Variants in DCX observed in about 807,000 individuals in gnomAD.
The protein encoded by DCX is doublecortin.
A neutral mutation model predicts 20.9 loss-of-function variants in DCX; 4 were observed. That is an observed-to-expected ratio of 0.19 (90% confidence interval 0.09 to 0.44). The LOEUF (loss-of-function observed/expected upper bound fraction) is 0.44. DCX is among the 20% of genes least tolerant of loss of function. The pLI is 0.99. For synonymous variants in DCX, 103 were observed against 111.4 expected, an observed-to-expected ratio of 0.92 and a Z score of 0.47; for missense variants, 133 against 296.9, an observed-to-expected ratio of 0.45 and a Z score of 4.06.
intron 3 of DCX, 28 bp downstream of exon 3, chrX:111,400,962 G>T (rs778775737): frequency 3.4e-6 from 4 of 1,177,165 alleles, no homozygotes; most frequent in Non-Finnish European, 4.6e-6. Context: ...TAGAAAAAAC[G>T]GGAAAAGTAC....
intron 3 of DCX, among the ~76,000 whole-genome samples, chrX:111,359,025 C>A (rs1202446162): frequency 2.7e-5 from 3 of 111,184 alleles, no homozygotes; most frequent in Non-Finnish European, 1.9e-5. Context: ...CAGTCTAAAT[C>A]AAAATCTCTA....
chrX:111,324,382 T>G (rs2095094557), intron 5 of DCX, among the ~76,000 whole-genome samples: 1 of 111,929 alleles, frequency 8.9e-6, no homozygotes, highest in African/African-American at 3.2e-5. Flanking sequence ...CTCCAATAGT[T>G]CCCATAATAC....
intron 6 of DCX, among the ~76,000 whole-genome samples, chrX:111,305,425 C>A (rs1312201515): frequency 9.0e-6 from 1 of 111,031 alleles, no homozygotes; most frequent in African/African-American, 3.3e-5. Context: ...TTTTTGCTGA[C>A]AAGAGCAGCT....
rs1315785413 is a variant in DCX, at chrX:111,407,800, A to ACG, written c.364+2233_364+2234dup. Among the ~76,000 whole-genome samples the ACG allele has an allele frequency of 2.9e-4, 16 of 55,071 alleles. No individual in the cohort carries two copies. In the South Asian group the frequency reaches 8.7e-3, roughly 30 times the overall value. The allele number at this position is 55,071 out of a possible 115,157, so 47.8% of individuals were successfully genotyped here. On this transcript the variant is annotated intron_variant, in intron 2 of 6. Coordinates refer to ENST00000636035, the MANE Select transcript of DCX (RefSeq NM_001195553.2). Reference sequence around the variant, plus strand: ...CACCAGCCCCTCGTGATACATCAATACGCACACACACACACACACACACAC... The same window carrying ACG: ...CACCAGCCCCTCGTGATACATCAATACGCGCACACACACACACACACACACAC...
In DCX at chrX:111,299,563, C is replaced by T. The variant is rs941919142; in HGVS notation, c.*2124G>A. 1.8e-5 allele frequency: 2 copies of T among 111,040 alleles called. No homozygotes were observed. The highest frequency in any genetic ancestry group is 3.3e-5 in the African/African-American group (1 of 30,417). The allele number at this position is 111,040 out of a possible 1,213,427, so 9.2% of individuals were successfully genotyped here. ...TTCTGGCCTGAAGTTTAAAATCAGG[C>T]CTCCCACCATTCTTTATGCCCACAC... On this transcript the variant is annotated 3_prime_UTR_variant, in exon 7 of 7. Coordinates refer to ENST00000636035, the MANE Select transcript of DCX (RefSeq NM_001195553.2).
chrX:111,370,699 A>G (rs1925006119), intron 3 of DCX, among the ~76,000 whole-genome samples: 1 of 110,654 alleles, frequency 9.0e-6, no homozygotes, highest in Non-Finnish European at 1.9e-5. Flanking sequence ...ATTATTCATA[A>G]AGAAGTCCAC....
chrX:111,365,237 C>A (rs1462003822), intron 3 of DCX, among the ~76,000 whole-genome samples: 1 of 109,217 alleles, frequency 9.2e-6, no homozygotes, highest in African/African-American at 3.3e-5. Context: ...ATTTGTGATA[C>A]TGTAATATTT....
intron 3 of DCX, among the ~76,000 whole-genome samples, chrX:111,342,821 T>C (rs1416270882): frequency 9.0e-6 from 1 of 110,705 alleles, no homozygotes; most frequent in Non-Finnish European, 1.9e-5. Flanking sequence ...TGACTCCTGG[T>C]TAAATAATGA....
chrX:111,395,116 C>T (rs982663192), intron 3 of DCX, among the ~76,000 whole-genome samples: 1 of 111,514 alleles, frequency 9.0e-6, no homozygotes, highest in African/African-American at 3.3e-5. Context: ...AAACATGTCT[C>T]GACAGAACCA....
At chrX:111,379,059 C>T (rs765179007) in intron 3 of DCX, among the ~76,000 whole-genome samples, 5 of 111,944 alleles carry the variant, frequency 4.5e-5, no homozygotes, top group African/African-American at 1.3e-4. Context: ...ACAAAATAAA[C>T]GTCTGCTTTT....
chrX:111,308,682 A>T (rs2095050835), intron 6 of DCX, among the ~76,000 whole-genome samples: 1 of 111,666 alleles, frequency 9.0e-6, no homozygotes, highest in Non-Finnish European at 1.9e-5. Context: ...AAGTCTGGAA[A>T]CAGAGGAAAG....
intron 3 of DCX, among the ~76,000 whole-genome samples, chrX:111,351,151 C>T (rs192810293): frequency 1.4e-4 from 16 of 111,927 alleles, no homozygotes; most frequent in African/African-American, 4.5e-4. Context: ...CATGAGGGAA[C>T]AAGCTGAGTT....
intron 5 of DCX, among the ~76,000 whole-genome samples, chrX:111,316,037 A>G (rs1361306766): frequency 1.4e-5 from 1 of 69,372 alleles, no homozygotes; most frequent in Non-Finnish European, 2.6e-5. Flanking sequence ...TATGTAACTA[A>G]CCTGCACAAT....
chrX:111,375,903 G>A (rs182213209), intron 3 of DCX, among the ~76,000 whole-genome samples: 4 of 112,092 alleles, frequency 3.6e-5, no homozygotes, highest in East Asian at 2.8e-4. Context: ...CATTTCCTAC[G>A]AAGATTTCCA....
chrX:111,369,684 G>A (rs1006728435), intron 3 of DCX, among the ~76,000 whole-genome samples: 2 of 111,756 alleles, frequency 1.8e-5, no homozygotes, highest in African/African-American at 6.5e-5. Flanking sequence ...AAGAGTCAAA[G>A]GTAGTGGGCA....
chrX:111,339,225 C>T (rs1428412845), intron 3 of DCX, among the ~76,000 whole-genome samples: 1 of 111,701 alleles, frequency 9.0e-6, no homozygotes, highest in Admixed American at 9.6e-5. Flanking sequence ...GCTTTACACA[C>T]TGCTATGGTT....
At chrX:111,388,397 A>G (rs954104792) in intron 3 of DCX, among the ~76,000 whole-genome samples, 4 of 111,749 alleles carry the variant, frequency 3.6e-5, no homozygotes, top group Non-Finnish European at 7.5e-5. Flanking sequence ...CTTTCAATTT[A>G]ATTATTCCTT....
chrX:111,321,879 A>C (rs1257182204), intron 5 of DCX, among the ~76,000 whole-genome samples: 1 of 112,088 alleles, frequency 8.9e-6, no homozygotes, highest in African/African-American at 3.2e-5. Context: ...CAGAAAATAA[A>C]GGGACAGCTT....
At chrX:111,301,865 AGG>A in intron 6 of DCX, 122 bp from the exon 7 acceptor site, 1 of 682,408 alleles carries the variant, frequency 1.5e-6, no homozygotes, top group African/African-American at 2.2e-5. Flanking sequence ...ATAGATTCAC[AGG>A]AAGTTGAAAA....
Sources: gnomAD v4.1 joint callset for allele counts (sites outside exome capture counted in the v4.1 genomes callset) on GRCh38, gnomAD v4.1.1 for gene constraint, MANE v1.5 for transcripts, NCBI Gene and HGNC (gene_info 2026-07-23, HGNC 2026-07-21) for gene names.